Variants in PRKCQ observed in about 807,000 individuals in gnomAD.
PRKCQ encodes protein kinase C theta type.
In PRKCQ, 41 loss-of-function variants were observed where a neutral mutation model predicts 91.2. That is an observed-to-expected ratio of 0.45 (90% CI 0.35 to 0.58). The LOEUF (loss-of-function observed/expected upper bound fraction) is 0.58. Among genes scored for constraint, PRKCQ ranks in the 20% least tolerant of loss-of-function variants. PRKCQ has a pLI of 0.00. For missense variants in PRKCQ, 673 were observed against 896.5 expected, an observed-to-expected ratio of 0.75 and a Z score of 3.18; for synonymous variants, 307 against 316.9, an observed-to-expected ratio of 0.97 and a Z score of 0.33.
intron 8 of PRKCQ, among the ~76,000 whole-genome samples, chr10:6,489,169 G>A (rs978946665): frequency 3.3e-5 from 5 of 151,616 alleles, no homozygotes; most frequent in African/African-American, 7.3e-5. Flanking sequence ...ACTCACATTC[G>A]CCCTATTTAG....
chr10:6,396,353 A>G, the PRKCQ span, among the ~76,000 whole-genome samples: 1 of 152,198 alleles, frequency 6.6e-6, no homozygotes, highest in Non-Finnish European at 1.5e-5. Flanking sequence ...ATATTTACAG[A>G]GTTGTGTAAC....
Position 6,498,469 on chromosome 10 carries a change from C to T in PRKCQ, c.469G>A (p.Val157Ile), listed in dbSNP as rs141631625. The change falls in exon 5 of 18, where the codon GTC (valine) becomes ATC (isoleucine). Residue 157 changes from valine to isoleucine, a missense_variant. Coordinates refer to ENST00000263125, the MANE Select transcript of PRKCQ (RefSeq NM_006257.5). ...GAIKQAKVHHVKCHEFTATFF... is the reference protein window; with the variant it reads ...GAIKQAKVHHIKCHEFTATFF... The stretch of plus-strand genomic sequence containing the variant: ...GTGGCAGTGAACTCGTGGCACTTGA[C>T]GTGGTGGACCTTTGCCTGCTTGATG... 1.5e-4 allele frequency: 248 copies of T among 1,614,072 alleles called. No individual in the cohort carries two copies. Among genetic ancestry groups the T allele is most frequent in the Non-Finnish European group, 1.9e-4 (228 of 1,180,040 alleles).
intron 1 of PRKCQ, among the ~76,000 whole-genome samples, chr10:6,526,683 T>A (rs1394312215): frequency 6.6e-6 from 1 of 151,956 alleles, no homozygotes; most frequent in Non-Finnish European, 1.5e-5. Context: ...GAGCAAGGGG[T>A]AGAGAAGACA....
chr10:6,544,660 G>A (rs557097710), intron 1 of PRKCQ, among the ~76,000 whole-genome samples: 14 of 144,486 alleles, frequency 9.7e-5, no homozygotes, highest in South Asian at 2.1e-4. Flanking sequence ...TCTTTCTATC[G>A]CATAGGCTGG....
intron 16 of PRKCQ, among the ~76,000 whole-genome samples, chr10:6,436,388 C>T (rs377056691): frequency 9.9e-5 from 15 of 152,280 alleles, no homozygotes; most frequent in South Asian, 6.2e-4. Context: ...TTTCTCCCAA[C>T]GGTTCCATCC....
intron 8 of PRKCQ, among the ~76,000 whole-genome samples, chr10:6,487,289 A>G (rs1836980861): frequency 6.6e-6 from 1 of 152,248 alleles, no homozygotes; most frequent in Non-Finnish European, 1.5e-5. Context: ...TATGAAAGGT[A>G]ACTCGAAGAA....
chr10:6,437,443 C>G (rs1284929440), intron 16 of PRKCQ, among the ~76,000 whole-genome samples: 3 of 152,160 alleles, frequency 2.0e-5, no homozygotes. Flanking sequence ...CTTTCTGCCT[C>G]TAAAACTGTG....
chr10:6,469,197 A>G (rs764837355), intron 12 of PRKCQ, among the ~76,000 whole-genome samples: 2 of 152,250 alleles, frequency 1.3e-5, no homozygotes, highest in African/African-American at 2.4e-5. Context: ...CAAGCTCACC[A>G]ACAATTCAAT....
At chr10:6,418,914 C>G in the PRKCQ span, among the ~76,000 whole-genome samples, 1 of 152,098 alleles carries the variant, frequency 6.6e-6, no homozygotes, top group Non-Finnish European at 1.5e-5. Context: ...ATCCATCCAT[C>G]TGTCCATTCA....
chr10:6,562,839 G>A (rs1840684913), intron 1 of PRKCQ, among the ~76,000 whole-genome samples: 1 of 152,092 alleles, frequency 6.6e-6, no homozygotes, highest in African/African-American at 2.4e-5. Flanking sequence ...ATGGGTTAAT[G>A]GATGCAAAGT....
chr10:6,544,977 CCTTT>C (rs1839899598), intron 1 of PRKCQ, among the ~76,000 whole-genome samples: 2 of 82,038 alleles, frequency 2.4e-5, no homozygotes, highest in South Asian at 1.1e-3. Flanking sequence ...GCTATTATTT[CCTTT>C]CTGTTTTTTT....
chr10:6,468,675 G>A (rs763538331), intron 12 of PRKCQ, among the ~76,000 whole-genome samples: 5 of 152,138 alleles, frequency 3.3e-5, no homozygotes, highest in Admixed American at 1.3e-4. Flanking sequence ...GTAAACCAAC[G>A]TAATAAATTT....
At chr10:6,468,742 T>G (rs928488910) in intron 12 of PRKCQ, among the ~76,000 whole-genome samples, 1 of 152,200 alleles carries the variant, frequency 6.6e-6, no homozygotes, top group Admixed American at 6.5e-5. Context: ...ATCAAAATAT[T>G]TATGACAAAA....
chr10:6,509,658 C>T (rs543791572), intron 3 of PRKCQ, among the ~76,000 whole-genome samples: 1 of 152,198 alleles, frequency 6.6e-6, no homozygotes, highest in Non-Finnish European at 1.5e-5. Flanking sequence ...AACTGCTCAC[C>T]TTGGCCTCCC....
At chr10:6,457,170 T>A (rs953029491) in intron 14 of PRKCQ, among the ~76,000 whole-genome samples, 3 of 152,236 alleles carry the variant, frequency 2.0e-5, no homozygotes, top group African/African-American at 7.2e-5. Flanking sequence ...TATTTGTGAA[T>A]GAATTATACT....
intron 15 of PRKCQ, among the ~76,000 whole-genome samples, chr10:6,455,618 C>G (rs1223131905): frequency 1.3e-5 from 2 of 152,210 alleles, no homozygotes; most frequent in African/African-American, 4.8e-5. Context: ...TAGAAGGTAT[C>G]TATTAGCACC....
rs540590622 is a variant in PRKCQ at position 6,464,215 on chromosome 10, C to G, written c.1445+98G>C. On this transcript the variant is annotated intron_variant, in intron 13 of 17. Coordinates refer to ENST00000263125, the MANE Select transcript of PRKCQ (RefSeq NM_006257.5). The stretch of plus-strand genomic sequence containing the variant: ...TGTATTCCCAAGGGTTCACCTGGCC[C>G]TGGGATTCAGGCATGCCAAGTGGGA... The G allele has an allele frequency of 1.9e-4, 201 of 1,033,128 alleles. No individual in the cohort carries two copies. In the African/African-American group the frequency reaches 2.8e-3, roughly 14 times the overall value. 64.0% of individuals were successfully genotyped at this position (1,033,128 alleles called of 1,614,324 possible). A position where few individuals can be genotyped will look rare whatever the true frequency, so the allele number is the denominator to read the frequency against.
chr10:6,510,780 G>C (rs922293698), intron 3 of PRKCQ, among the ~76,000 whole-genome samples: 1 of 152,060 alleles, frequency 6.6e-6, no homozygotes, highest in African/African-American at 2.4e-5. Flanking sequence ...ACATCTCTTT[G>C]ATGTAGGCAT....
intron 15 of PRKCQ, among the ~76,000 whole-genome samples, chr10:6,445,549 G>T (rs2132271229): frequency 6.6e-6 from 1 of 152,300 alleles, no homozygotes; most frequent in South Asian, 2.1e-4. Context: ...AAGTCAAGAT[G>T]ATTTGTCTTA....
Sources: allele counts gnomAD v4.1 joint callset (sites outside exome capture counted in the v4.1 genomes callset), GRCh38; gene constraint gnomAD v4.1.1; transcripts MANE v1.5; gene names NCBI Gene and HGNC (gene_info 2026-07-23, HGNC 2026-07-21).